Variants in POLR1D observed in about 807,000 individuals in gnomAD.
POLR1D encodes RNA polymerase I and III subunit D.
POLR1D carries 8 observed loss-of-function variants against 10.8 expected under a neutral mutation model. That is an observed-to-expected ratio of 0.74 (90% CI 0.43 to 1.33). The LOEUF is 1.33. Among genes scored for constraint, POLR1D ranks in the 40% most tolerant of loss-of-function variants. The probability of loss-of-function intolerance (pLI) is 0.01; values close to 1 mark genes in which losing one functional copy is unlikely to be tolerated. For missense variants in POLR1D, 152 were observed against 161.7 expected (o/e 0.94, Z 0.32); for synonymous variants, 54 against 57.2 (o/e 0.94, Z 0.25).
At chr13:27,645,121 G>T (rs1040455631) in intron 1 of POLR1D, among the ~76,000 whole-genome samples, 1 of 152,158 alleles carries the variant, frequency 6.6e-6, no homozygotes, top group Non-Finnish European at 1.5e-5. Flanking sequence ...GGAGACTTTT[G>T]GGTGGGAAGT....
chr13:27,643,354 C>A (rs928775276), intron 1 of POLR1D, among the ~76,000 whole-genome samples: 1 of 152,144 alleles, frequency 6.6e-6, no homozygotes, highest in African/African-American at 2.4e-5. Context: ...ACGCTTTTCA[C>A]AATTTGAATT....
intron 1 of POLR1D, among the ~76,000 whole-genome samples, chr13:27,642,880 A>G (rs1252146525): frequency 6.6e-6 from 1 of 152,184 alleles, no homozygotes; most frequent in Non-Finnish European, 1.5e-5. Flanking sequence ...TGCTTAAAAT[A>G]CCACTTTCAT....
At chr13:27,650,646 T>C (rs924120651) in intron 2 of POLR1D, 1 of 152,254 alleles carries the variant, frequency 6.6e-6, no homozygotes, top group Non-Finnish European at 1.5e-5. Flanking sequence ...TAAGAGAAGC[T>C]GGAAAATCTT....
intron 1 of POLR1D, among the ~76,000 whole-genome samples, chr13:27,644,049 A>G (rs550924736): frequency 6.6e-6 from 1 of 152,336 alleles, no homozygotes; most frequent in African/African-American, 2.4e-5. Flanking sequence ...AAATGAGGAA[A>G]GCTTCTAACG....
intron 1 of POLR1D, among the ~76,000 whole-genome samples, chr13:27,632,424 G>C (rs1593280928): frequency 6.6e-6 from 1 of 152,138 alleles, no homozygotes; most frequent in South Asian, 2.1e-4. Flanking sequence ...ACTACAAATA[G>C]CATTGCTTTG....
intron 1 of POLR1D, among the ~76,000 whole-genome samples, chr13:27,638,294 CTCT>C (rs1386373406): frequency 6.6e-6 from 1 of 152,186 alleles, no homozygotes; most frequent in African/African-American, 2.4e-5. Context: ...TGCAGGCTTT[CTCT>C]TCTTCCCATC....
exon 2 of POLR1D, chr13:27,648,406 G>A (rs1296188944): frequency 1.2e-6 from 2 of 1,610,842 alleles, no homozygotes; most frequent in Non-Finnish European, 1.7e-6. Flanking sequence ...TGCTTAAGGA[G>A]GCAAAACGTG....
At chr13:27,628,537 G>T (rs1216637780) in intron 1 of POLR1D, among the ~76,000 whole-genome samples, 1 of 152,190 alleles carries the variant, frequency 6.6e-6, no homozygotes, top group Non-Finnish European at 1.5e-5. Flanking sequence ...AAAAGAGAAT[G>T]AGCCCAGAAT....
chr13:27,648,505 G>T, intron 2 of POLR1D: 4 of 1,128,482 alleles, frequency 3.5e-6, no homozygotes, highest in East Asian at 2.5e-5. Flanking sequence ...TTCTTAGCTG[G>T]AGATATAAAT....
At chr13:27,622,147 G>T in intron 1 of POLR1D, 138 bp downstream of exon 1, 1 of 739,896 alleles carries the variant, frequency 1.4e-6, no homozygotes, top group Non-Finnish European at 2.4e-6. Context: ...GTGGGGAGGA[G>T]ACATGAATGT....
rs1407920523 is a variant in POLR1D at position 27,641,261 on chromosome 13, A to G, written c.27-7118A>G. 2.6e-5 allele frequency among the ~76,000 whole-genome samples: 4 copies of G among 152,342 alleles called. No individual in the cohort carries two copies. The East Asian group carries it at 7.7e-4, about 29-fold the overall frequency. ...GCGTTTGCTTGACAGCAATTGGGCCATATGCTAAACTTCCATATTAATTCC... is the reference window on the plus strand; with the variant it reads ...GCGTTTGCTTGACAGCAATTGGGCCGTATGCTAAACTTCCATATTAATTCC... On this transcript the variant is annotated intron_variant, in intron 1 of 2. Coordinates refer to the POLR1D transcript ENST00000399697.
At chr13:27,648,423 C>T (rs1274252728) in exon 2 of POLR1D, 20 of 1,610,960 alleles carry the variant, frequency 1.2e-5, no homozygotes, top group Non-Finnish European at 1.6e-5. Flanking sequence ...CGTGGGAAAA[C>T]TAGAGCTGAA....
At chr13:27,642,119 A>G (rs572695274) in intron 1 of POLR1D, among the ~76,000 whole-genome samples, 48 of 152,318 alleles carry the variant, frequency 3.2e-4, no homozygotes, top group Non-Finnish European at 5.7e-4. Context: ...GTTAACAGGT[A>G]TATATATACA....
At chr13:27,645,941 C>T (rs1209701610) in intron 1 of POLR1D, among the ~76,000 whole-genome samples, 1 of 152,190 alleles carries the variant, frequency 6.6e-6, no homozygotes, top group Non-Finnish European at 1.5e-5. Context: ...CTTGAAAGCA[C>T]CTAGAATATG....
intron 1 of POLR1D, among the ~76,000 whole-genome samples, chr13:27,634,094 A>G (rs751927166): frequency 7.2e-5 from 11 of 152,306 alleles, no homozygotes; most frequent in Admixed American, 2.6e-4. Flanking sequence ...GTTTGTTTAC[A>G]TGGCAAAGAC....
intron 2 of POLR1D, among the ~76,000 whole-genome samples, chr13:27,660,393 A>T (rs1956352673): frequency 6.6e-6 from 1 of 152,236 alleles, no homozygotes. Flanking sequence ...TGTCCATAGA[A>T]TAAAAGAACG....
intron 2 of POLR1D, among the ~76,000 whole-genome samples, chr13:27,661,883 A>G (rs1956368049): frequency 1.3e-5 from 2 of 152,212 alleles, no homozygotes; most frequent in African/African-American, 4.8e-5. Flanking sequence ...GAACAGTTGG[A>G]AATACAAATG....
At chr13:27,627,295 C>G (rs1466359801), downstream of POLR1D, among the ~76,000 whole-genome samples, 2 of 129,678 alleles carry the variant, frequency 1.5e-5, no homozygotes, top group Non-Finnish European at 3.3e-5. Context: ...TTTTTTTTTT[C>G]TCATGATGAA....
chr13:27,665,994 T>G (rs902144870), exon 3 of POLR1D: 2 of 1,596,542 alleles, frequency 1.3e-6, no homozygotes, highest in Non-Finnish European at 1.7e-6. Flanking sequence ...GCCTCCGTGC[T>G]CCTTCGGGGT....
Sources: allele counts gnomAD v4.1 joint callset (sites outside exome capture counted in the v4.1 genomes callset), GRCh38; gene constraint gnomAD v4.1.1; transcripts MANE v1.5; gene names NCBI Gene and HGNC (gene_info 2026-07-23, HGNC 2026-07-21).